C2orf42: variants seen among roughly 807,000 people sequenced by gnomAD.
C2orf42 encodes the protein chromosome 2 open reading frame 42, also known as uncharacterized protein C2orf42.
Under a neutral mutation model 58.9 loss-of-function variants are expected in C2orf42, and 44 were observed. That is an observed-to-expected ratio of 0.75 (90% CI 0.59 to 0.96). The LOEUF is 0.96. Among genes scored for constraint, C2orf42 ranks in the 40% least tolerant of loss-of-function variants. C2orf42 has a pLI of 0.00. For synonymous variants in C2orf42, 239 were observed against 265.4 expected (o/e 0.90, Z 0.97); for missense variants, 630 against 699.2 (o/e 0.90, Z 1.12).
In C2orf42 at chr2:70,150,318, G is replaced by C; in HGVS notation, c.*38C>G. The C allele has an allele frequency of 6.4e-7, 1 of 1,570,258 alleles. No homozygotes were observed. The highest frequency in any genetic ancestry group is 8.7e-7 in the Non-Finnish European group (1 of 1,144,582). On this transcript the variant is annotated 3_prime_UTR_variant, in exon 10 of 10. Coordinates refer to ENST00000264434, the MANE Select transcript of C2orf42 (RefSeq NM_017880.3). Reference sequence around the variant, plus strand: ...TAAAGTTGTCAAGGGGTGGGGATGTGCAAATTAAGCAGCAAAAGATTATTA... The same window carrying C: ...TAAAGTTGTCAAGGGGTGGGGATGTCCAAATTAAGCAGCAAAAGATTATTA...
At chr2:70,167,779 C>T (rs1035118886) in intron 6 of C2orf42, among the ~76,000 whole-genome samples, 1 of 151,798 alleles carries the variant, frequency 6.6e-6, no homozygotes, top group African/African-American at 2.4e-5. Context: ...GTAAAACACA[C>T]ACACTCATAG....
At chr2:70,153,265 T>C (rs1672421721) in intron 9 of C2orf42, among the ~76,000 whole-genome samples, 1 of 151,924 alleles carries the variant, frequency 6.6e-6, no homozygotes, top group African/African-American at 2.4e-5. Context: ...CTGAGAACTC[T>C]GCATCAGCGC....
chr2:70,181,686 C>A lies in C2orf42; in HGVS notation c.300G>T (p.Gln100His), dbSNP rs957207716. The A allele has an allele frequency of 1.9e-6, 3 of 1,614,160 alleles. No individual in the cohort carries two copies. Among genetic ancestry groups the A allele is most frequent in the Non-Finnish European group, 2.5e-6 (3 of 1,180,034 alleles). Residue 100 changes from glutamine (Q) to histidine (H), a missense_variant, in exon 3 of 10, where the codon CAG (glutamine) becomes CAT (histidine). Gln to His is a conservative substitution (Grantham distance 24). Coordinates refer to ENST00000264434, the MANE Select transcript of C2orf42 (RefSeq NM_017880.3). ...VELGVSETTIQTVDGTIITQL... is the reference protein window; with the variant it reads ...VELGVSETTIHTVDGTIITQL... ...GAGTGATGATCGTCCCATCCACTGT[C>A]TGGATTGTTGTCTCTGAAACCCCGA...
chr2:70,177,016 A>C (rs923881182), intron 4 of C2orf42, among the ~76,000 whole-genome samples: 9 of 152,176 alleles, frequency 5.9e-5, no homozygotes, highest in African/African-American at 2.2e-4. Flanking sequence ...TCACACCTGT[A>C]ATCCCACCAC....
rs544830917 is a variant in C2orf42 at position 70,175,587 on chromosome 2, G to A, written c.1039+86C>T. On this transcript the variant is annotated intron_variant, in intron 5 of 9. Coordinates refer to ENST00000264434, the MANE Select transcript of C2orf42 (RefSeq NM_017880.3). ...TAGTATTTATGCTGGGACTCTTTGG[G>A]TGACAATGTGCATGATTATACTGCT... The A allele has an allele frequency of 5.7e-5, 47 of 822,262 alleles. No individual in the cohort carries two copies. The Middle Eastern group carries it at 6.7e-4, about 12-fold the overall frequency. 50.9% of individuals were successfully genotyped at this position (822,262 alleles called of 1,614,324 possible).
intron 5 of C2orf42, among the ~76,000 whole-genome samples, chr2:70,173,898 C>T (rs1334689852): frequency 2.0e-5 from 3 of 152,048 alleles, no homozygotes; most frequent in East Asian, 1.9e-4. Flanking sequence ...TCACATAAAA[C>T]GCCTTTTTCC....
intron 1 of C2orf42, among the ~76,000 whole-genome samples, chr2:70,188,696 T>A (rs1255100758): frequency 6.6e-6 from 1 of 152,188 alleles, no homozygotes; most frequent in Non-Finnish European, 1.5e-5. Context: ...CTTTTTTCTG[T>A]TTCTGGATCA....
intron 8 of C2orf42, among the ~76,000 whole-genome samples, chr2:70,161,831 AGTCCGT>A (rs1673068534): frequency 7.0e-6 from 1 of 142,796 alleles, no homozygotes. Flanking sequence ...CAAGAGTGAA[AGTCCGT>A]GTCAAAAAAA....
At chr2:70,153,246 A>G (rs572225785) in intron 9 of C2orf42, among the ~76,000 whole-genome samples, 8 of 152,216 alleles carry the variant, frequency 5.3e-5, no homozygotes, top group African/African-American at 1.9e-4. Flanking sequence ...GGAAAGAGAA[A>G]CATTAGATCT....
Position 70,179,565 on chromosome 2 carries a change from T to TA in C2orf42, c.900dup (p.Lys301Ter). 6.4e-7 allele frequency: 1 copy of TA among 1,557,328 alleles called. No homozygotes were observed. The highest frequency in any genetic ancestry group is 8.9e-7 in the Non-Finnish European group (1 of 1,129,256). ...TCATCCTTTCTCCTCTTCTTTGACT[T>TA]AGAGGCAGTAGACTCACAAGCAGAT... On this transcript the variant is annotated frameshift_variant, in exon 4 of 10. Transcript: ENST00000264434. LOFTEE classifies it high-confidence loss of function.
At chr2:70,165,293 T>A in intron 7 of C2orf42, 101 bp from the exon 8 acceptor site, 1 of 698,406 alleles carries the variant, frequency 1.4e-6, no homozygotes. Flanking sequence ...TATTTCCTTA[T>A]AGATTCTCAG....
At chr2:70,186,016 T>C in intron 1 of C2orf42, among the ~76,000 whole-genome samples, 1 of 141,522 alleles carries the variant, frequency 7.1e-6, no homozygotes, top group Non-Finnish European at 1.5e-5. Context: ...AAAAAAAAAG[T>C]CTCCAGATAA....
chr2:70,178,571 G>A (rs561276575), intron 4 of C2orf42, among the ~76,000 whole-genome samples: 1 of 152,138 alleles, frequency 6.6e-6, no homozygotes, highest in East Asian at 1.9e-4. Flanking sequence ...TCGCATCAGT[G>A]TACTCCAGCC....
intron 8 of C2orf42, among the ~76,000 whole-genome samples, chr2:70,162,734 A>G (rs1274018529): frequency 6.6e-6 from 1 of 152,018 alleles, no homozygotes; most frequent in Admixed American, 6.6e-5. Flanking sequence ...AGCCTCCTAA[A>G]TCGCTGGTAT....
chr2:70,153,157 T>C (rs1320793085), intron 9 of C2orf42, among the ~76,000 whole-genome samples: 1 of 152,046 alleles, frequency 6.6e-6, no homozygotes. Flanking sequence ...CGGGGAATCT[T>C]AGTTTTGTGT....
rs1180162556 is a variant in C2orf42, at chr2:70,149,887, A to G, written c.*469T>C. The G allele has an allele frequency of 1.3e-5, 2 of 153,448 alleles. No homozygotes were observed. The highest frequency in any genetic ancestry group is 5.0e-5 in the African/African-American group (2 of 39,988). 9.5% of individuals were successfully genotyped at this position (153,448 alleles called of 1,614,324 possible). ...AAACAGGCAACCATGAGATATAATT[A>G]GGAAAAACTAGTGACACTGCTTTAT... On this transcript the variant is annotated 3_prime_UTR_variant, in exon 10 of 10. Transcript: ENST00000264434.
At position 70,150,002 on chromosome 2, in the gene C2orf42, T is replaced by C. The variant is rs754455061; in HGVS notation, c.*354A>G. On this transcript the variant is annotated 3_prime_UTR_variant, in exon 10 of 10. Coordinates refer to ENST00000264434, the MANE Select transcript of C2orf42 (RefSeq NM_017880.3). The stretch of plus-strand genomic sequence containing the variant: ...CCAGGGTGTTAACTTTCCAACACTG[T>C]TGGTGTATGGCTGAGTGCTGCAGAT... The C allele has an allele frequency of 1.0e-4, 30 of 301,210 alleles. No individual in the cohort carries two copies. The Middle Eastern group carries it at 3.6e-3, about 36-fold the overall frequency. The allele number at this position is 301,210 out of a possible 1,614,324, so 18.7% of individuals were successfully genotyped here. A position where few individuals can be genotyped will look rare whatever the true frequency, so the allele number is the denominator to read the frequency against.
chr2:70,190,405 G>A (rs12987296), intron 1 of C2orf42: 48,246 of 152,126 alleles, frequency 0.32, 8,413 homozygotes, highest in East Asian at 0.39. Flanking sequence ...AACTAGCTGA[G>A]TACACTGCGT....
intron 9 of C2orf42, 92 bp from the exon 10 acceptor site, chr2:70,150,656 G>T: frequency 1.2e-6 from 1 of 832,538 alleles, no homozygotes; most frequent in Non-Finnish European, 2.0e-6. Context: ...GGAGCAGCCT[G>T]TTCAGCTTTG....
Sources: allele counts gnomAD v4.1 joint callset (sites outside exome capture counted in the v4.1 genomes callset), GRCh38; gene constraint gnomAD v4.1.1; transcripts MANE v1.5; gene names NCBI Gene and HGNC (gene_info 2026-07-23, HGNC 2026-07-21).